Variants in WFDC3 observed in about 807,000 individuals in gnomAD.
WFDC3 encodes the protein WAP four-disulfide core domain 3.
A neutral mutation model predicts 25.8 loss-of-function variants in WFDC3; 15 were observed. That is an observed-to-expected ratio of 0.58 (90% CI 0.39 to 0.89). The LOEUF is 0.89. Among genes scored for constraint, WFDC3 ranks in the 40% least tolerant of loss-of-function variants. WFDC3 has a pLI of 0.00. For missense variants in WFDC3, 264 were observed against 289.8 expected (o/e 0.91, Z 0.65); for synonymous variants, 103 against 107.1 (o/e 0.96, Z 0.24).
chr20:45,788,714 A>C, intron 3 of WFDC3: 1 of 512,258 alleles, frequency 2.0e-6, no homozygotes, highest in Non-Finnish European at 3.3e-6. Context: ...AGTAAAAGAC[A>C]TAGATAATCA....
rs755555053 is a variant in WFDC3, at chr20:45,775,419, A to G, written c.677T>C (p.Leu226Ser). 1.9e-6 allele frequency: 3 copies of G among 1,613,984 alleles called. No individual in the cohort carries two copies. The highest frequency in any genetic ancestry group is 2.5e-6 in the Non-Finnish European group (3 of 1,179,920). ...PNWTVRSDSELEIPVP is the reference protein window; with the variant it reads ...PNWTVRSDSESEIPVP ...TGATGACAATGGACTGTACTCACCTAATTCGGAATCAGACCTCACAGTCCA... is the reference window on the plus strand; with the variant it reads ...TGATGACAATGGACTGTACTCACCTGATTCGGAATCAGACCTCACAGTCCA... Residue 226 changes from leucine (L) to serine (S), a missense_variant and splice_region_variant, in exon 6 of 7, where the codon TTA becomes TCA. Transcript: ENST00000243938.
chr20:45,775,407 C>G lies in WFDC3; in HGVS notation c.679+10G>C, dbSNP rs758497437. The G allele has an allele frequency of 1.2e-6, 2 of 1,613,110 alleles. No homozygotes were observed. Among genetic ancestry groups the G allele is most frequent in the African/African-American group, 2.7e-5 (2 of 74,940 alleles). On this transcript the variant is annotated intron_variant, in intron 6 of 6. Transcript: ENST00000243938. ...GTCTGTTATTGTTGATGACAATGGA[C>G]TGTACTCACCTAATTCGGAATCAGA...
chr20:45,777,009 G>T, intron 5 of WFDC3, 66 bp downstream of exon 5: 1 of 1,606,990 alleles, frequency 6.2e-7, no homozygotes. Flanking sequence ...CTCCTCCCAG[G>T]AAGGGAAAGA....
intron 4 of WFDC3, among the ~76,000 whole-genome samples, chr20:45,782,355 T>G (rs866679321): frequency 3.3e-5 from 5 of 152,076 alleles, no homozygotes; most frequent in African/African-American, 4.8e-5. Flanking sequence ...ATTGGTTTTT[T>G]GGGGGCTTTT....
intron 4 of WFDC3, chr20:45,780,004 G>A (rs1403203432): frequency 6.6e-6 from 1 of 151,714 alleles, no homozygotes; most frequent in Non-Finnish European, 1.5e-5. Context: ...GAATTAATGG[G>A]GCCTCACTAC....
chr20:45,777,335 G>A, intron 4 of WFDC3, 126 bp from the exon 5 acceptor site: 1 of 1,048,160 alleles, frequency 9.5e-7, no homozygotes, highest in Non-Finnish European at 1.2e-6. Context: ...ATATTTATGT[G>A]TATCATGTAT....
chr20:45,779,671 G>A (rs1980350969), intron 4 of WFDC3, among the ~76,000 whole-genome samples: 1 of 152,068 alleles, frequency 6.6e-6, no homozygotes, highest in Non-Finnish European at 1.5e-5. Flanking sequence ...CTCCCTGGTG[G>A]AAAAACCCGG....
chr20:45,782,748 A>G (rs1180591572), intron 4 of WFDC3, among the ~76,000 whole-genome samples: 4 of 152,126 alleles, frequency 2.6e-5, no homozygotes, highest in Non-Finnish European at 5.9e-5. Flanking sequence ...AGCCTGCCAC[A>G]ATAGCCTCCT....
intron 4 of WFDC3, among the ~76,000 whole-genome samples, chr20:45,779,623 CCTT>C (rs1980349223): frequency 6.6e-6 from 1 of 152,080 alleles, no homozygotes; most frequent in South Asian, 2.1e-4. Flanking sequence ...GGAACAAAAG[CCTT>C]CTATCTCACA....
Position 45,789,004 on chromosome 20 carries a change from A to G in WFDC3, c.138T>C (p.Gly46=), listed in dbSNP as rs6032537. 0.71 allele frequency: 1,142,505 copies of G among 1,612,692 alleles called. 406,881 individuals are homozygous for G. Among genetic ancestry groups the G allele is most frequent in the Admixed American group, 0.8 (47,957 of 59,740 alleles). ...TCTGTTCAGCCGGACACAATTCATC[A>G]CCCTGGCACAGCTCTTTGCATGGGT... ...HKNPCKELCQ[G]DELCPAEQKC... is the part of the protein sequence containing the mutation. The change falls in exon 3 of 7, where the codon GGT becomes GGC. Residue 46 remains glycine (G), a synonymous_variant. Transcript: ENST00000243938.
At chr20:45,786,987 G>T (rs1380729464) in intron 4 of WFDC3, among the ~76,000 whole-genome samples, 1 of 151,090 alleles carries the variant, frequency 6.6e-6, no homozygotes, top group Admixed American at 6.6e-5. Context: ...CCAGATAATA[G>T]GGAGGCTGAG....
rs1165477417 is a variant in WFDC3 at position 45,789,978 on chromosome 20, T to A, written c.-3A>T. On this transcript the variant is annotated 5_prime_UTR_variant, in exon 2 of 7. Transcript: ENST00000243938. ...AGAAAGAGGCAGCTTAACATCATGA[T>A]GATGCTGAGAGTTGGGACAAGAGCT... The A allele has an allele frequency of 3.1e-6, 5 of 1,614,032 alleles. No individual in the cohort carries two copies. Among genetic ancestry groups the A allele is most frequent in the Non-Finnish European group, 4.2e-6 (5 of 1,179,918 alleles).
At chr20:45,781,214 A>G (rs1175515145) in intron 4 of WFDC3, among the ~76,000 whole-genome samples, 2 of 152,154 alleles carry the variant, frequency 1.3e-5, no homozygotes, top group East Asian at 1.9e-4. Context: ...ACACCACTGC[A>G]CTCCATCCTG....
Position 45,787,958 on chromosome 20 carries a change from A to C in WFDC3, c.236T>G (p.Val79Gly). The change falls in exon 4 of 7, where the codon GTT becomes GGT. Residue 79 changes from valine to glycine, a missense_variant. Transcript: ENST00000243938. ...TTTCAAACAGGATTGTTTCCGAATA[A>C]CCCTAGGGCAATCTCTTTTCCTCCC... Reference protein sequence around the residue: ...PKGRKRDCPRVIRKQSCLKRC... With the variant: ...PKGRKRDCPRGIRKQSCLKRC... 1 of 1,613,278 alleles carries C rather than the reference A, an allele frequency of 6.2e-7. No homozygotes were observed. Among genetic ancestry groups the C allele is most frequent in the Non-Finnish European group, 8.5e-7 (1 of 1,179,734 alleles).
intron 4 of WFDC3, 31 bp downstream of exon 4, chr20:45,787,805 G>A: frequency 6.3e-7 from 1 of 1,594,048 alleles, no homozygotes; most frequent in Admixed American, 1.8e-5. Flanking sequence ...AGACCAAACA[G>A]ACCATGAGGT....
chr20:45,776,993 T>A (rs1224458740), intron 5 of WFDC3, 82 bp downstream of exon 5: 16 of 1,603,034 alleles, frequency 1.0e-5, no homozygotes, highest in Non-Finnish European at 1.4e-5. Flanking sequence ...AGGATGAGAA[T>A]CCTAGCTCCT....
At chr20:45,791,774 A>G (rs911219462) in intron 1 of WFDC3, 58 bp downstream of exon 1, 9 of 376,570 alleles carry the variant, frequency 2.4e-5, no homozygotes, top group Admixed American at 1.8e-4. Context: ...CTGAACACCC[A>G]CACTGCACAA....
chr20:45,776,633 AAAATAT>A (rs1462270807), intron 5 of WFDC3, among the ~76,000 whole-genome samples: 107 of 69,322 alleles, frequency 1.5e-3, no homozygotes, highest in South Asian at 2.9e-3. Flanking sequence ...AAAAAAAAAA[AAAATAT>A]ATATATATAT....
intron 1 of WFDC3, among the ~76,000 whole-genome samples, chr20:45,791,173 C>CTTTTTTT (rs71181859): frequency 3.9e-4 from 25 of 63,916 alleles, no homozygotes; most frequent in African/African-American, 8.6e-4. Flanking sequence ...GCCTAATATG[C>CTTTTTTT]TTTTTTTTTT....
Sources: gnomAD v4.1 joint callset for allele counts (sites outside exome capture counted in the v4.1 genomes callset) on GRCh38, gnomAD v4.1.1 for gene constraint, MANE v1.5 for transcripts, NCBI Gene and HGNC (gene_info 2026-07-23, HGNC 2026-07-21) for gene names.